CSMD1: variants seen among roughly 807,000 people sequenced by gnomAD.
The protein encoded by CSMD1 is CUB and Sushi multiple domains 1.
CSMD1 carries 213 observed loss-of-function variants against 417.5 expected under a neutral mutation model. That is an observed-to-expected ratio of 0.51 (90% CI 0.46 to 0.57). The LOEUF is 0.57. Ranked by LOEUF, CSMD1 falls within the 20% of genes least tolerant of loss-of-function variation. The pLI is 0.00. For synonymous variants in CSMD1, 2,862 were observed against 1,736.8 expected (o/e 1.65, Z -16.11); for missense variants, 6,923 against 4,529.7 (o/e 1.53, Z -15.17).
intron 3 of CSMD1, among the ~76,000 whole-genome samples, chr8:4,393,090 C>T: frequency 6.6e-6 from 1 of 152,112 alleles, no homozygotes; most frequent in Non-Finnish European, 1.5e-5. Context: ...ATTCTCGTGC[C>T]TCAATCTCCC....
At chr8:3,422,129 G>T (rs1813529839) in intron 12 of CSMD1, among the ~76,000 whole-genome samples, 1 of 151,980 alleles carries the variant, frequency 6.6e-6, no homozygotes, top group Non-Finnish European at 1.5e-5. Context: ...AATCTCCAAG[G>T]TCACTCTACT....
chr8:4,872,604 A>G (rs533401854), intron 1 of CSMD1, among the ~76,000 whole-genome samples: 5 of 152,122 alleles, frequency 3.3e-5, no homozygotes, highest in Admixed American at 3.3e-4. Flanking sequence ...TAAATTACCC[A>G]GTCTCAGGCA....
At chr8:4,011,843 C>A (rs917822601) in intron 4 of CSMD1, among the ~76,000 whole-genome samples, 1 of 151,982 alleles carries the variant, frequency 6.6e-6, no homozygotes, top group African/African-American at 2.4e-5. Context: ...CTTTGGTATC[C>A]ATTGGGAATT....
intron 18 of CSMD1, among the ~76,000 whole-genome samples, chr8:3,372,999 G>A (rs1458511998): frequency 2.0e-5 from 3 of 152,104 alleles, no homozygotes; most frequent in African/African-American, 7.2e-5. Context: ...ATGAATTGAT[G>A]CAATAATTTC....
intron 23 of CSMD1, among the ~76,000 whole-genome samples, chr8:3,339,744 C>A (rs914999903): frequency 6.6e-6 from 1 of 152,158 alleles, no homozygotes; most frequent in Non-Finnish European, 1.5e-5. Context: ...CCATTCTAAG[C>A]TTCTTATGTC....
intron 10 of CSMD1, among the ~76,000 whole-genome samples, chr8:3,512,751 G>C (rs891822306): frequency 1.3e-5 from 2 of 151,810 alleles, no homozygotes; most frequent in Admixed American, 1.3e-4. Flanking sequence ...TGGGACTATA[G>C]GTGCATGCCA....
intron 1 of CSMD1, among the ~76,000 whole-genome samples, chr8:4,880,208 C>G (rs1409856985): frequency 6.6e-6 from 1 of 152,032 alleles, no homozygotes; most frequent in Non-Finnish European, 1.5e-5. Context: ...GGGAAGAACA[C>G]ACTGCTATCA....
chr8:4,464,277 G>T (rs1308458942), intron 2 of CSMD1, among the ~76,000 whole-genome samples: 1 of 151,574 alleles, frequency 6.6e-6, no homozygotes, highest in African/African-American at 2.4e-5. Context: ...TGAAGCACAG[G>T]GCATTATTAT....
At chr8:3,814,243 G>A (rs386473168) in intron 5 of CSMD1, among the ~76,000 whole-genome samples, 8 of 152,240 alleles carry the variant, frequency 5.3e-5, no homozygotes, top group Non-Finnish European at 8.8e-5. Flanking sequence ...GAATAGAAAT[G>A]CGATCTTGCT....
chr8:3,534,058 G>C (rs1303527958), intron 10 of CSMD1, among the ~76,000 whole-genome samples: 1 of 152,122 alleles, frequency 6.6e-6, no homozygotes, highest in Admixed American at 6.5e-5. Flanking sequence ...GAAGTTACTA[G>C]TTTTGACTTC....
At chr8:4,709,830 C>A (rs1024919530) in intron 1 of CSMD1, among the ~76,000 whole-genome samples, 2 of 152,048 alleles carry the variant, frequency 1.3e-5, no homozygotes, top group African/African-American at 4.8e-5. Context: ...GTCCAGTCGT[C>A]CCGCAGAGTA....
intron 26 of CSMD1, among the ~76,000 whole-genome samples, chr8:3,269,730 G>C (rs1259685232): frequency 6.6e-6 from 1 of 152,138 alleles, no homozygotes; most frequent in Non-Finnish European, 1.5e-5. Context: ...TGAGTTTTAT[G>C]CATGATTAAA....
intron 7 of CSMD1, among the ~76,000 whole-genome samples, chr8:3,672,359 G>C (rs1362148410): frequency 2.0e-5 from 3 of 147,284 alleles, no homozygotes; most frequent in South Asian, 2.1e-4. Context: ...TGTAGTGTGT[G>C]TCGGCATTTA....
At chr8:3,896,127 G>C (rs529115641) in intron 5 of CSMD1, among the ~76,000 whole-genome samples, 1 of 152,124 alleles carries the variant, frequency 6.6e-6, no homozygotes, top group Non-Finnish European at 1.5e-5. Context: ...TGGGGCTTGA[G>C]TAACAAGCCC....
intron 26 of CSMD1, among the ~76,000 whole-genome samples, chr8:3,256,259 A>C (rs1248855423): frequency 6.8e-6 from 1 of 146,726 alleles, no homozygotes; most frequent in Admixed American, 7.1e-5. Context: ...CCTGGGAGGC[A>C]GAGGTTTCAG....
At chr8:4,423,765 G>A (rs561229951) in intron 2 of CSMD1, among the ~76,000 whole-genome samples, 9 of 152,032 alleles carry the variant, frequency 5.9e-5, no homozygotes, top group African/African-American at 1.9e-4. Context: ...CAAACATTTT[G>A]CGAGAGAAGA....
chr8:3,508,614 AT>A (rs1300322216), intron 10 of CSMD1, among the ~76,000 whole-genome samples: 1 of 152,182 alleles, frequency 6.6e-6, no homozygotes, highest in Non-Finnish European at 1.5e-5. Flanking sequence ...GTGTGAGAAA[AT>A]TTTAAAATCA....
intron 2 of CSMD1, among the ~76,000 whole-genome samples, chr8:4,558,552 C>G (rs1357000849): frequency 6.6e-6 from 1 of 152,106 alleles, no homozygotes; most frequent in East Asian, 1.9e-4. Flanking sequence ...GTACCTTGCT[C>G]AAACACTAGT....
chr8:4,044,559 C>G (rs556016847), intron 3 of CSMD1, among the ~76,000 whole-genome samples: 41 of 152,288 alleles, frequency 2.7e-4, no homozygotes, highest in African/African-American at 9.6e-4. Context: ...GATTCTACCA[C>G]GGCAGAGCTC....
Sources: gnomAD v4.1 joint callset for allele counts (sites outside exome capture counted in the v4.1 genomes callset) on GRCh38, gnomAD v4.1.1 for gene constraint, MANE v1.5 for transcripts, NCBI Gene and HGNC (gene_info 2026-07-23, HGNC 2026-07-21) for gene names.